CNRIP1: variants seen among roughly 807,000 people sequenced by gnomAD.
The protein encoded by CNRIP1 is cannabinoid receptor interacting protein 1.
Under a neutral mutation model 15.2 loss-of-function variants are expected in CNRIP1, and 10 were observed. The observed-to-expected ratio is 0.66, with a 90% CI of 0.41 to 1.12. The LOEUF (loss-of-function observed/expected upper bound fraction) is 1.12, where lower values mean the gene tolerates loss of function less well. CNRIP1 is among the 50% of genes most tolerant of loss of function. CNRIP1 has a pLI of 0.00. For synonymous variants in CNRIP1, 91 were observed against 83.2 expected, an observed-to-expected ratio of 1.09 and a Z score of -0.51; for missense variants, 211 against 214.7, an observed-to-expected ratio of 0.98 and a Z score of 0.11.
chr2:68,319,463 G>A lies in CNRIP1; in HGVS notation c.-63C>T. Reference sequence around the variant, plus strand: ...GGAGGACAGCGCCGGCTGCGGCCGAGTGGCTGGAGCGCGAGGGGCGGAGAG... The same window carrying A: ...GGAGGACAGCGCCGGCTGCGGCCGAATGGCTGGAGCGCGAGGGGCGGAGAG... On this transcript the variant is annotated 5_prime_UTR_variant, in exon 1 of 3. Coordinates refer to ENST00000263655, the MANE Select transcript of CNRIP1 (RefSeq NM_015463.3). The A allele has an allele frequency of 7.0e-7, 1 of 1,427,970 alleles. No individual in the cohort carries two copies. The highest frequency in any genetic ancestry group is 2.6e-5 in the East Asian group (1 of 38,126). 88.5% of individuals were successfully genotyped at this position (1,427,970 alleles called of 1,614,324 possible). A position where few individuals can be genotyped will look rare whatever the true frequency, so the allele number is the denominator to read the frequency against.
intron 2 of CNRIP1, among the ~76,000 whole-genome samples, chr2:68,308,302 A>C (rs909422466): frequency 6.6e-6 from 1 of 152,170 alleles, no homozygotes; most frequent in African/African-American, 2.4e-5. Flanking sequence ...ACCATTTACA[A>C]GAATGCACAT....
intron 2 of CNRIP1, 130 bp downstream of exon 2, chr2:68,317,027 T>G (rs1213146669): frequency 2.6e-6 from 3 of 1,134,444 alleles, no homozygotes; most frequent in African/African-American, 3.1e-5. Context: ...TTGAAGGAAA[T>G]CCACAACTCA....
At chr2:68,309,189 G>C (rs989940300) in intron 2 of CNRIP1, among the ~76,000 whole-genome samples, 3 of 151,996 alleles carry the variant, frequency 2.0e-5, no homozygotes, top group Non-Finnish European at 2.9e-5. Context: ...CTTGTTTAAG[G>C]GTGTTGTTTT....
downstream of CNRIP1, chr2:68,292,892 T>C: frequency 2.1e-6 from 1 of 469,842 alleles, no homozygotes; most frequent in Non-Finnish European, 2.8e-6. Flanking sequence ...GGTGTGCTAA[T>C]TCTACTCCGG....
chr2:68,317,157 C>T lies in CNRIP1; in HGVS notation c.330G>A (p.Pro110=), dbSNP rs747823571. 8 of 1,614,146 alleles carry T rather than the reference C, an allele frequency of 5.0e-6. No individual in the cohort carries two copies. Among genetic ancestry groups the T allele is most frequent in the East Asian group, 4.5e-5 (2 of 44,884 alleles). ...GERQPIQITM[P]FTDIGTFETV... is the part of the protein sequence containing the mutation. ...TCCTATACCCGCAAGCAAGCCTTAC[C>T]GGCATGGTGATCTGGATGGGTTGCC... Residue 110 remains proline (P), a splice_region_variant and synonymous_variant, in exon 2 of 3, where the codon CCG becomes CCA. Coordinates refer to ENST00000263655, the MANE Select transcript of CNRIP1 (RefSeq NM_015463.3).
rs560953108 is a variant in CNRIP1, at chr2:68,311,513, C to A, written c.330+5644G>T. On this transcript the variant is annotated intron_variant, in intron 2 of 2. Coordinates refer to ENST00000263655, the MANE Select transcript of CNRIP1 (RefSeq NM_015463.3). ...AGTAGGTCGGGCGCGGCAGCTCATA[C>A]CTGTAATCTGAGCCCTTTGAGAGGA... 3.3e-5 allele frequency among the ~76,000 whole-genome samples: 5 copies of A among 152,050 alleles called. No homozygotes were observed. In the East Asian group the frequency reaches 9.7e-4, roughly 29 times the overall value.
chr2:68,317,084 T>C (rs775823837), intron 2 of CNRIP1, 73 bp downstream of exon 2: 2 of 1,554,554 alleles, frequency 1.3e-6, no homozygotes, highest in South Asian at 1.1e-5. Context: ...TACAGAGAGA[T>C]AGTGATTGTT....
chr2:68,318,026 AG>A (rs1227035474), intron 1 of CNRIP1, among the ~76,000 whole-genome samples: 1 of 151,616 alleles, frequency 6.6e-6, no homozygotes, highest in East Asian at 1.9e-4. Flanking sequence ...AAAAAAAAAA[AG>A]AAATATATTA....
chr2:68,316,723 G>C (rs572428151), intron 2 of CNRIP1: 5 of 279,016 alleles, frequency 1.8e-5, no homozygotes, highest in African/African-American at 1.1e-4. Context: ...TATATAAGAG[G>C]TGTATTTTTC....
At chr2:68,295,163 G>A (rs1223344388) in intron 2 of CNRIP1, among the ~76,000 whole-genome samples, 1 of 152,210 alleles carries the variant, frequency 6.6e-6, no homozygotes, top group Admixed American at 6.5e-5. Flanking sequence ...CTTGTCTGGA[G>A]CCAGAAGACG....
chr2:68,318,913 G>A (rs1672381655), intron 1 of CNRIP1, among the ~76,000 whole-genome samples: 1 of 152,258 alleles, frequency 6.6e-6, no homozygotes, highest in Non-Finnish European at 1.5e-5. Flanking sequence ...CCGCGCCCAA[G>A]GCTGGACAGA....
chr2:68,298,607 A>G (rs1478831647), intron 2 of CNRIP1, among the ~76,000 whole-genome samples: 2 of 152,246 alleles, frequency 1.3e-5, no homozygotes, highest in African/African-American at 4.8e-5. Flanking sequence ...CTAAAGATAT[A>G]TTTAAGTGTT....
rs1330772931 is a variant in CNRIP1 at position 68,319,894 on chromosome 2, G to A, written c.-494C>T. On this transcript the variant is annotated 5_prime_UTR_variant, in exon 1 of 3. Transcript: ENST00000263655. ...GGAGTTAAGCGACCACTATGCCAAG[G>A]AGCGAGACCCCCGGAATCTGGATAC... 6.5e-6 allele frequency: 1 copy of A among 152,826 alleles called. No individual in the cohort carries two copies. Among genetic ancestry groups the A allele is most frequent in the African/African-American group, 2.4e-5 (1 of 41,476 alleles). The allele number at this position is 152,826 out of a possible 1,614,324, so 9.5% of individuals were successfully genotyped here.
intron 2 of CNRIP1, among the ~76,000 whole-genome samples, chr2:68,307,305 C>G (rs1441399628): frequency 6.6e-6 from 1 of 152,080 alleles, no homozygotes; most frequent in African/African-American, 2.4e-5. Flanking sequence ...TATATATTGT[C>G]TAACTACATA....
chr2:68,312,122 T>C (rs954627365), intron 2 of CNRIP1, among the ~76,000 whole-genome samples: 1 of 152,206 alleles, frequency 6.6e-6, no homozygotes, highest in African/African-American at 2.4e-5. Context: ...AATCATTTTA[T>C]GTAGCCAGCA....
intron 2 of CNRIP1, 56 bp from the exon 3 acceptor site, chr2:68,294,082 T>A: frequency 6.4e-7 from 1 of 1,566,204 alleles, no homozygotes; most frequent in South Asian, 1.1e-5. Context: ...GAGCAATAGA[T>A]GAGAGCTAAC....
chr2:68,305,270 A>ATGTG (rs1367890101), intron 2 of CNRIP1, among the ~76,000 whole-genome samples: 51 of 98,614 alleles, frequency 5.2e-4, no homozygotes, highest in African/African-American at 1.7e-3. Context: ...ATATATATAT[A>ATGTG]TATATGTGTG....
At position 68,293,952 on chromosome 2, in the gene CNRIP1, CT is replaced by C. The variant is rs1671252629; in HGVS notation, c.404del (p.Gln135ArgfsTer21). On this transcript the variant is annotated frameshift_variant, in exon 3 of 3. Transcript: ENST00000263655. LOFTEE classifies it high-confidence loss of function. The part of the protein sequence containing the change: ...FYNYHKRDHC[Q>X]WGSPFSVIEY... ...CAATGACAGAGAAGGGGCTTCCCCA[CT>C]GGCAGTGATCCCGCTTGTGGTAATT... 3 of 1,614,170 alleles carry C rather than the reference CT, an allele frequency of 1.9e-6. No individual in the cohort carries two copies. The East Asian group carries it at 6.7e-5, about 36-fold the overall frequency.
At chr2:68,311,492 G>C (rs1558668482) in intron 2 of CNRIP1, among the ~76,000 whole-genome samples, 1 of 152,108 alleles carries the variant, frequency 6.6e-6, no homozygotes, top group Non-Finnish European at 1.5e-5. Context: ...TGAAAGAGTA[G>C]GTCGGGCGCG....
Sources: gnomAD v4.1 joint callset for allele counts (sites outside exome capture counted in the v4.1 genomes callset) on GRCh38, gnomAD v4.1.1 for gene constraint, MANE v1.5 for transcripts, NCBI Gene and HGNC (gene_info 2026-07-23, HGNC 2026-07-21) for gene names.